The following SH3BP4 variants were observed in gnomAD, a reference collection of about 807,000 sequenced individuals.
The protein encoded by SH3BP4 is SH3 domain binding protein 4.
Under a neutral mutation model 65.5 loss-of-function variants are expected in SH3BP4, and 33 were observed. The observed-to-expected ratio is 0.50, with a 90% CI of 0.38 to 0.67. SH3BP4 has a LOEUF of 0.67. Ranked by LOEUF, SH3BP4 falls within the 30% of genes least tolerant of loss-of-function variation. The probability of loss-of-function intolerance (pLI) is 0.00; values close to 1 mark genes in which losing one functional copy is unlikely to be tolerated. For missense variants in SH3BP4, 1,134 were observed against 1,261.4 expected, an observed-to-expected ratio of 0.90 and a Z score of 1.53; for synonymous variants, 552 against 545.5, an observed-to-expected ratio of 1.01 and a Z score of -0.17.
intron 3 of SH3BP4, among the ~76,000 whole-genome samples, chr2:235,038,376 CATATATATATATATATATATATAT>C (rs1177080438): frequency 8.1e-5 from 1 of 12,362 alleles, no homozygotes; most frequent in African/African-American, 3.6e-4. Context: ...AATATATATA[CATATATATATATATATATATATAT>C]ATATATATAT....
At chr2:234,962,871 A>G (rs2106241621) in intron 1 of SH3BP4, among the ~76,000 whole-genome samples, 1 of 151,910 alleles carries the variant, frequency 6.6e-6, no homozygotes, top group East Asian at 1.9e-4. Flanking sequence ...GATTACAGGC[A>G]CTTGCCTGTA....
chr2:234,957,715 C>T (rs1288828736), intron 1 of SH3BP4, among the ~76,000 whole-genome samples: 4 of 151,830 alleles, frequency 2.6e-5, no homozygotes, highest in Non-Finnish European at 5.9e-5. Context: ...GAAAGCTTCC[C>T]GGGTGACTGT....
chr2:235,000,168 T>C (rs1178682447), intron 2 of SH3BP4, among the ~76,000 whole-genome samples: 1 of 152,198 alleles, frequency 6.6e-6, no homozygotes, highest in Non-Finnish European at 1.5e-5. Flanking sequence ...CACTCACTTA[T>C]CCTCGGCTGG....
intron 2 of SH3BP4, among the ~76,000 whole-genome samples, chr2:235,017,447 A>G (rs1461582582): frequency 3.4e-5 from 4 of 116,770 alleles, no homozygotes; most frequent in Non-Finnish European, 6.3e-5. Flanking sequence ...CTCAGTCTCA[A>G]AAAAAAAAAA....
chr2:235,000,722 C>G (rs1694072073), intron 2 of SH3BP4, among the ~76,000 whole-genome samples: 1 of 152,216 alleles, frequency 6.6e-6, no homozygotes, highest in Non-Finnish European at 1.5e-5. Flanking sequence ...GATCACAGAG[C>G]CCAGCCTCGC....
At chr2:234,995,118 GA>G (rs1693871487) in intron 1 of SH3BP4, among the ~76,000 whole-genome samples, 184 bp from the exon 2 acceptor site, 2 of 152,238 alleles carry the variant, frequency 1.3e-5, no homozygotes, top group Non-Finnish European at 2.9e-5. Context: ...CCACTCTCCA[GA>G]GTTGGCTTCA....
At chr2:235,038,339 GTA>G (rs1309126061) in intron 3 of SH3BP4, among the ~76,000 whole-genome samples, 1,945 of 11,950 alleles carry the variant, frequency 0.16, 122 homozygotes, top group Middle Eastern at 0.5. Flanking sequence ...ATTATATATA[GTA>G]TATATATTTT....
intron 1 of SH3BP4, among the ~76,000 whole-genome samples, chr2:234,955,594 T>C (rs1307904891): frequency 6.6e-6 from 1 of 152,164 alleles, no homozygotes; most frequent in African/African-American, 2.4e-5. Context: ...AGAAAGAGGC[T>C]GTGTGCCGTG....
chr2:235,027,179 G>A lies in SH3BP4; in HGVS notation c.-132-7692G>A, dbSNP rs558288990. Among the ~76,000 whole-genome samples the A allele has an allele frequency of 2.0e-5, 3 of 152,342 alleles. No individual in the cohort carries two copies. The East Asian group carries it at 5.8e-4, about 29-fold the overall frequency. Reference sequence around the variant, plus strand: ...AAGCATCCTGGGAGGGACACCAGTCGGGTGTTGACTCTACTTGGGCTGTTG... The same window carrying A: ...AAGCATCCTGGGAGGGACACCAGTCAGGTGTTGACTCTACTTGGGCTGTTG... On this transcript the variant is annotated intron_variant, in intron 2 of 5. Transcript: ENST00000392011.
chr2:234,992,951 G>A (rs1693797920), intron 1 of SH3BP4, among the ~76,000 whole-genome samples: 1 of 152,048 alleles, frequency 6.6e-6, no homozygotes, highest in South Asian at 2.1e-4. Context: ...TGTGGCTCTG[G>A]GTCTGGGCAG....
At position 235,046,794 on chromosome 2, in the gene SH3BP4, G is replaced by T. The variant is rs1007430551; in HGVS notation, c.2478+3547G>T. On this transcript the variant is annotated intron_variant, in intron 4 of 5. Coordinates refer to ENST00000392011, the MANE Select transcript of SH3BP4 (RefSeq NM_014521.3). This position sits in a 1 kb window ranked among gnomAD's most constrained non-coding sequence, Gnocchi z 4.2. ...GAATGCAGGCCTTGGGCTGGGCTAAGAATCCAAGCGGGAGGCATTCTCACG... is the reference window on the plus strand; with the variant it reads ...GAATGCAGGCCTTGGGCTGGGCTAATAATCCAAGCGGGAGGCATTCTCACG... Among the ~76,000 whole-genome samples, 2 of 152,172 alleles carry T rather than the reference G, an allele frequency of 1.3e-5. No homozygotes were observed. The highest frequency in any genetic ancestry group is 2.4e-5 in the African/African-American group (1 of 41,428).
At chr2:234,955,326 G>A (rs993815296) in intron 1 of SH3BP4, among the ~76,000 whole-genome samples, 9 of 152,138 alleles carry the variant, frequency 5.9e-5, no homozygotes, top group Non-Finnish European at 1.2e-4. Flanking sequence ...CCAGCTATTT[G>A]CACGAAAGAA....
Position 234,991,052 on chromosome 2 carries a change from A to G in SH3BP4, c.-206-4251A>G, listed in dbSNP as rs917474614. ...TCACTTTAGCTTGATTGCACCTTGA[A>G]CACTCTGTCTCCAAATAAGGTCACT... is the stretch of plus-strand genomic sequence containing the variant. On this transcript the variant is annotated intron_variant, in intron 1 of 5. Coordinates refer to ENST00000392011, the MANE Select transcript of SH3BP4 (RefSeq NM_014521.3). The surrounding 1 kb of genome is among the most constrained non-coding windows in gnomAD (Gnocchi z 4.2). Among the ~76,000 whole-genome samples the G allele has an allele frequency of 1.3e-5, 2 of 152,154 alleles. No homozygotes were observed. The highest frequency in any genetic ancestry group is 2.9e-5 in the Non-Finnish European group (2 of 68,024).
intron 1 of SH3BP4, chr2:234,979,927 A>G (rs1383671675): frequency 1.3e-5 from 2 of 152,242 alleles, no homozygotes; most frequent in African/African-American, 4.8e-5. Flanking sequence ...GGCCCTGAAG[A>G]AGAGAGTCTC....
At chr2:234,988,235 A>ATT (rs1320110084) in intron 1 of SH3BP4, among the ~76,000 whole-genome samples, 3 of 151,828 alleles carry the variant, frequency 2.0e-5, no homozygotes, top group Admixed American at 6.6e-5. Flanking sequence ...AATTTTTTGT[A>ATT]TTTTTAGTAG....
intron 1 of SH3BP4, among the ~76,000 whole-genome samples, chr2:234,992,198 G>A (rs983321170): frequency 2.6e-5 from 4 of 152,242 alleles, no homozygotes; most frequent in African/African-American, 4.8e-5. Flanking sequence ...GAGTTGGGGC[G>A]AGGTGGCATC....
intron 2 of SH3BP4, among the ~76,000 whole-genome samples, chr2:235,021,064 G>A (rs1694834043): frequency 6.6e-6 from 1 of 152,108 alleles, no homozygotes; most frequent in Non-Finnish European, 1.5e-5. Flanking sequence ...CTGAGTCTTT[G>A]TGACAGAGAA....
At chr2:235,007,054 C>G (rs1233969669) in intron 2 of SH3BP4, among the ~76,000 whole-genome samples, 2 of 152,102 alleles carry the variant, frequency 1.3e-5, no homozygotes, top group African/African-American at 4.8e-5. Context: ...AGGATGTCAT[C>G]TTCCCCCGGT....
At chr2:235,027,800 G>C (rs1177208190) in intron 2 of SH3BP4, among the ~76,000 whole-genome samples, 1 of 152,188 alleles carries the variant, frequency 6.6e-6, no homozygotes, top group Non-Finnish European at 1.5e-5. Flanking sequence ...AACAGTCTGT[G>C]CGCTCAGCCT....
Sources: gnomAD v4.1 joint callset for allele counts (sites outside exome capture counted in the v4.1 genomes callset) on GRCh38, gnomAD v4.1.1 for gene constraint, Gnocchi (gnomAD v3.1) non-coding constraint, MANE v1.5 for transcripts, NCBI Gene and HGNC (gene_info 2026-07-23, HGNC 2026-07-21) for gene names.